Variants in SOX6 observed in about 807,000 individuals in gnomAD.
SOX6 encodes the protein SRY-box transcription factor 6.
A neutral mutation model predicts 97.8 loss-of-function variants in SOX6; 11 were observed. That is an observed-to-expected ratio of 0.11 (90% CI 0.07 to 0.19). The LOEUF is 0.19. Among genes scored for constraint, SOX6 ranks in the 10% least tolerant of loss-of-function variants. The pLI is 1.00. For synonymous variants in SOX6, 360 were observed against 371.4 expected, an observed-to-expected ratio of 0.97 and a Z score of 0.35; for missense variants, 810 against 1,039.5, an observed-to-expected ratio of 0.78 and a Z score of 3.04.
chr11:16,336,985 A>C (rs1348169563), intron 2 of SOX6, among the ~76,000 whole-genome samples: 2 of 152,110 alleles, frequency 1.3e-5, no homozygotes, highest in Admixed American at 6.6e-5. Context: ...GTTCTTACTT[A>C]ATTTTCTTCA....
chr11:16,213,087 G>C (rs1852271963), intron 4 of SOX6, among the ~76,000 whole-genome samples: 1 of 151,858 alleles, frequency 6.6e-6, no homozygotes, highest in Non-Finnish European at 1.5e-5. Flanking sequence ...TGTACCTTTG[G>C]TTAATTTGAT....
intron 3 of SOX6, among the ~76,000 whole-genome samples, chr11:16,279,355 T>C (rs1236734017): frequency 6.6e-6 from 1 of 152,080 alleles, no homozygotes; most frequent in East Asian, 1.9e-4. Context: ...CAAAATCATA[T>C]GACAAATTTT....
chr11:16,442,806 G>A (rs1463019557), intron 1 of SOX6, among the ~76,000 whole-genome samples: 2 of 152,036 alleles, frequency 1.3e-5, no homozygotes, highest in Non-Finnish European at 2.9e-5. Flanking sequence ...CTCATCTACT[G>A]TAAGAAAGGC....
intron 1 of SOX6, among the ~76,000 whole-genome samples, chr11:16,362,426 G>A (rs1036351225): frequency 6.6e-6 from 1 of 152,002 alleles, no homozygotes; most frequent in African/African-American, 2.4e-5. Context: ...TAGCAACATG[G>A]TACCACCATA....
chr11:16,151,824 AGTAAAACTTAAAAT>A (rs1850464333), intron 6 of SOX6, among the ~76,000 whole-genome samples: 1 of 152,148 alleles, frequency 6.6e-6, no homozygotes. Flanking sequence ...ACTGTACTAA[AGTAAAACTTAAAAT>A]GAAGGTACAA....
At chr11:16,550,371 G>A (rs955626623) in intron 4 of SOX6, among the ~76,000 whole-genome samples, 6 of 151,980 alleles carry the variant, frequency 3.9e-5, no homozygotes, top group Admixed American at 6.6e-5. Flanking sequence ...TGTAAATGAC[G>A]AGTTAATGGG....
At chr11:16,584,736 C>T (rs1245286287) in intron 4 of SOX6, among the ~76,000 whole-genome samples, 1 of 152,160 alleles carries the variant, frequency 6.6e-6, no homozygotes, top group Admixed American at 6.5e-5. Context: ...CTGGGGTCCA[C>T]ATCAAAAAAG....
intron 4 of SOX6, among the ~76,000 whole-genome samples, chr11:16,545,653 AAAG>A (rs1487420364): frequency 6.6e-6 from 1 of 152,156 alleles, no homozygotes; most frequent in African/African-American, 2.4e-5. Flanking sequence ...CCAAATTGGA[AAAG>A]AAGAAGTCAA....
intron 4 of SOX6, among the ~76,000 whole-genome samples, chr11:16,505,497 G>C (rs995928672): frequency 6.6e-6 from 1 of 152,130 alleles, no homozygotes; most frequent in Non-Finnish European, 1.5e-5. Flanking sequence ...AAGTGGAAAA[G>C]TTTGAAAAAT....
chr11:16,572,831 A>AACAAGT (rs1847950809), intron 4 of SOX6, among the ~76,000 whole-genome samples: 1 of 152,202 alleles, frequency 6.6e-6, no homozygotes, highest in Admixed American at 6.5e-5. Flanking sequence ...CCCTAGCATT[A>AACAAGT]ACATAATGGC....
At chr11:16,516,843 T>C (rs145151738) in intron 4 of SOX6, among the ~76,000 whole-genome samples, 15,865 of 151,174 alleles carry the variant, frequency 0.1, 901 homozygotes, top group Non-Finnish European at 0.14. Context: ...ACAGCATCAT[T>C]CTGATACCAA....
chr11:16,251,027 A>C (rs1333516392), intron 3 of SOX6, among the ~76,000 whole-genome samples: 5 of 152,136 alleles, frequency 3.3e-5, no homozygotes, highest in Admixed American at 6.5e-5. Flanking sequence ...AAGTCCCTCA[A>C]ATGATTGGGA....
intron 1 of SOX6, among the ~76,000 whole-genome samples, chr11:16,410,759 C>CAA (rs71044100): frequency 0.026 from 1,656 of 64,224 alleles, 90 homozygotes; most frequent in African/African-American, 0.082. Context: ...AACCGGTCTC[C>CAA]AAAAAAAAAA....
chr11:16,179,554 G>A (rs574195044), intron 6 of SOX6, among the ~76,000 whole-genome samples: 1 of 151,964 alleles, frequency 6.6e-6, no homozygotes, highest in South Asian at 2.1e-4. Context: ...ACGCAGCAAT[G>A]GCATTTAGTT....
chr11:16,340,903 T>C, intron 2 of SOX6, 109 bp downstream of exon 2: 1 of 1,477,782 alleles, frequency 6.8e-7, no homozygotes, highest in Non-Finnish European at 9.3e-7. Context: ...TGTTTCATGA[T>C]CTACACAAAA....
chr11:16,532,600 T>C (rs1402395422), intron 4 of SOX6, among the ~76,000 whole-genome samples: 1 of 151,878 alleles, frequency 6.6e-6, no homozygotes, highest in Non-Finnish European at 1.5e-5. Flanking sequence ...TTCAAAACAT[T>C]TTAAAATAAC....
intron 6 of SOX6, among the ~76,000 whole-genome samples, chr11:16,125,965 C>T (rs1849601379): frequency 6.6e-6 from 1 of 151,984 alleles, no homozygotes; most frequent in South Asian, 2.1e-4. Flanking sequence ...TGTATTTTTC[C>T]TATTGGAAAT....
chr11:16,708,813 T>C (rs537303725), intron 3 of SOX6, among the ~76,000 whole-genome samples: 1 of 152,300 alleles, frequency 6.6e-6, no homozygotes, highest in Non-Finnish European at 1.5e-5. Flanking sequence ...ACTTTTCAGG[T>C]AACATATTTT....
rs563025803 is a variant in SOX6, at chr11:16,146,946, G to A, written c.778-35023C>T. On this transcript the variant is annotated intron_variant, in intron 6 of 15. Transcript: ENST00000683767. Reference sequence around the variant, plus strand: ...CGACCATTGTGGAAGACAGTGCGGCGATTCCTCAAGGATCCAGAACTAGAA... The same window carrying A: ...CGACCATTGTGGAAGACAGTGCGGCAATTCCTCAAGGATCCAGAACTAGAA... Among the ~76,000 whole-genome samples, 26 of 152,260 alleles carry A rather than the reference G, an allele frequency of 1.7e-4. No individual in the cohort carries two copies. In the East Asian group the frequency reaches 1.7e-3, roughly 10 times the overall value.
Sources: allele counts gnomAD v4.1 joint callset (sites outside exome capture counted in the v4.1 genomes callset), GRCh38; gene constraint gnomAD v4.1.1; transcripts MANE v1.5; gene names NCBI Gene and HGNC (gene_info 2026-07-23, HGNC 2026-07-21).